Variants in SLC25A21 observed in about 807,000 individuals in gnomAD.
SLC25A21 encodes solute carrier family 25 member 21.
SLC25A21 carries 47 observed loss-of-function variants against 43.8 expected under a neutral mutation model. The observed-to-expected ratio is 1.07, with a 90% CI of 0.85 to 1.37. The LOEUF is 1.37. Ranked by LOEUF, SLC25A21 falls within the 40% of genes most tolerant of loss-of-function variation. The pLI is 0.00. For synonymous variants in SLC25A21, 131 were observed against 121.3 expected, an observed-to-expected ratio of 1.08 and a Z score of -0.52; for missense variants, 352 against 350.2, an observed-to-expected ratio of 1.00 and a Z score of -0.04.
rs1236509786 is a variant in SLC25A21, at chr14:37,040,221, A to AGGGAGGG, written c.70+132059_70+132060insCCCTCCC. Among the ~76,000 whole-genome samples, 59 of 84,676 alleles carry AGGGAGGG rather than the reference A, an allele frequency of 7.0e-4. 1 individual carries two copies. The highest frequency in any genetic ancestry group is 2.6e-3 in the African/African-American group (27 of 10,380). The allele number at this position is 84,676 out of a possible 152,430, so 55.6% of individuals were successfully genotyped here. On this transcript the variant is annotated intron_variant, in intron 1 of 9. Coordinates refer to ENST00000331299, the MANE Select transcript of SLC25A21 (RefSeq NM_030631.4). ...AGAAGAAAGAAAAAAAGAAAAAGAA[A>AGGGAGGG]AAGAAAAAGAAAGGGAGGAAGGGAG... is the stretch of plus-strand genomic sequence containing the variant.
intron 1 of SLC25A21, among the ~76,000 whole-genome samples, chr14:37,081,434 C>T (rs1962385749): frequency 6.6e-6 from 1 of 152,196 alleles, no homozygotes; most frequent in African/African-American, 2.4e-5. Context: ...GGCCTCACCT[C>T]ATGACCAGCA....
At chr14:37,146,303 T>C (rs944736185) in intron 1 of SLC25A21, among the ~76,000 whole-genome samples, 2 of 151,918 alleles carry the variant, frequency 1.3e-5, no homozygotes, top group South Asian at 2.1e-4. Flanking sequence ...GTATATACAG[T>C]GGTACAAACA....
At chr14:36,977,952 TTTAA>T (rs1325695105) in intron 1 of SLC25A21, among the ~76,000 whole-genome samples, 2 of 134,692 alleles carry the variant, frequency 1.5e-5, no homozygotes, top group South Asian at 2.4e-4. Context: ...TTTTTTTTTT[TTTAA>T]AAAAAAAAAA....
intron 1 of SLC25A21, among the ~76,000 whole-genome samples, chr14:37,106,794 C>G (rs1209558197): frequency 6.6e-6 from 1 of 152,166 alleles, no homozygotes. Flanking sequence ...AGGCAGGCAT[C>G]ACAGTCCTAC....
intron 1 of SLC25A21, among the ~76,000 whole-genome samples, chr14:36,995,617 T>G (rs1960355264): frequency 6.6e-6 from 1 of 152,196 alleles, no homozygotes; most frequent in Non-Finnish European, 1.5e-5. Context: ...ACTTTCCACT[T>G]GTCATTGCCC....
chr14:36,949,508 T>A (rs1051457129), intron 1 of SLC25A21, among the ~76,000 whole-genome samples: 2 of 152,174 alleles, frequency 1.3e-5, no homozygotes, highest in African/African-American at 4.8e-5. Context: ...TGAGCTCTAG[T>A]TTTCTTTCTC....
intron 1 of SLC25A21, among the ~76,000 whole-genome samples, chr14:36,992,443 T>A (rs1377879323): frequency 2.0e-5 from 3 of 152,132 alleles, no homozygotes; most frequent in African/African-American, 4.8e-5. Context: ...AAATTTTTTT[T>A]AAAGAATAGC....
At chr14:37,087,470 C>T (rs928453061) in intron 1 of SLC25A21, among the ~76,000 whole-genome samples, 3 of 152,154 alleles carry the variant, frequency 2.0e-5, no homozygotes, top group Non-Finnish European at 4.4e-5. Context: ...GGAGCTGGTA[C>T]CATTCTGCAG....
intron 1 of SLC25A21, among the ~76,000 whole-genome samples, chr14:37,003,497 T>C (rs1489691671): frequency 6.6e-6 from 1 of 152,230 alleles, no homozygotes; most frequent in Non-Finnish European, 1.5e-5. Flanking sequence ...AACAGCACTA[T>C]TTGTAATAGT....
chr14:36,748,022 A>G (rs1339605886), intron 3 of SLC25A21, among the ~76,000 whole-genome samples: 1 of 152,208 alleles, frequency 6.6e-6, no homozygotes, highest in Non-Finnish European at 1.5e-5. Context: ...ATCCCATTCA[A>G]TTTTTTACAT....
At chr14:36,839,783 T>C (rs1402771975) in intron 2 of SLC25A21, among the ~76,000 whole-genome samples, 3 of 152,234 alleles carry the variant, frequency 2.0e-5, no homozygotes, top group Non-Finnish European at 4.4e-5. Context: ...ACATCTATGC[T>C]ATAGGGAATA....
rs184198748 is a variant in SLC25A21, at chr14:36,762,351, A to G, written c.204-27778T>C. 1.2e-4 allele frequency among the ~76,000 whole-genome samples: 19 copies of G among 152,310 alleles called. No homozygotes were observed. In the East Asian group the frequency reaches 3.5e-3, roughly 28 times the overall value. On this transcript the variant is annotated intron_variant, in intron 3 of 9. Transcript: ENST00000331299. ...GCATGAGGAGACTGGGCTCAGGAAC[A>G]CTGCCCGGCAGAGGGGAAAGGCAGC...
chr14:37,126,152 T>C (rs765721334), intron 1 of SLC25A21, among the ~76,000 whole-genome samples: 3 of 152,184 alleles, frequency 2.0e-5, no homozygotes, highest in East Asian at 1.9e-4. Flanking sequence ...ACATGTGCTA[T>C]GTGTATACCA....
chr14:36,919,872 A>G (rs1452931300), intron 1 of SLC25A21, among the ~76,000 whole-genome samples: 1 of 152,056 alleles, frequency 6.6e-6, no homozygotes. Context: ...AATAATGGTG[A>G]TGAATGAAAG....
chr14:37,153,548 C>A (rs1333778873), intron 1 of SLC25A21, among the ~76,000 whole-genome samples: 2 of 152,192 alleles, frequency 1.3e-5, no homozygotes, highest in East Asian at 3.9e-4. Flanking sequence ...GCATCAGCTA[C>A]CACTGCCAGG....
At chr14:37,152,538 C>A (rs1475253091) in intron 1 of SLC25A21, among the ~76,000 whole-genome samples, 10 of 151,920 alleles carry the variant, frequency 6.6e-5, no homozygotes. Flanking sequence ...TGCCACCATG[C>A]CCAGTTAATT....
At chr14:36,918,894 CTT>C (rs1412786499) in intron 1 of SLC25A21, among the ~76,000 whole-genome samples, 2 of 152,004 alleles carry the variant, frequency 1.3e-5, no homozygotes, top group African/African-American at 4.8e-5. Flanking sequence ...ATAAATTTTT[CTT>C]TCTCTCTCTC....
chr14:36,826,100 T>C (rs1438385257), intron 2 of SLC25A21, among the ~76,000 whole-genome samples: 1 of 152,216 alleles, frequency 6.6e-6, no homozygotes, highest in Non-Finnish European at 1.5e-5. Context: ...TCTGCTTTAC[T>C]AAGACACCAA....
At chr14:36,905,246 C>T (rs1408829467) in intron 1 of SLC25A21, among the ~76,000 whole-genome samples, 1 of 152,146 alleles carries the variant, frequency 6.6e-6, no homozygotes, top group Non-Finnish European at 1.5e-5. Flanking sequence ...GTAACAGAGG[C>T]CACCCATTTC....
Sources: gnomAD v4.1 joint callset for allele counts (sites outside exome capture counted in the v4.1 genomes callset) on GRCh38, gnomAD v4.1.1 for gene constraint, MANE v1.5 for transcripts, NCBI Gene and HGNC (gene_info 2026-07-23, HGNC 2026-07-21) for gene names.